The following FER variants were observed in gnomAD, a reference collection of about 807,000 sequenced individuals.
FER encodes the protein FER tyrosine kinase, also known as tyrosine-protein kinase Fer.
In FER, 63 loss-of-function variants were observed where a neutral mutation model predicts 111.0. The observed-to-expected ratio is 0.57, with a 90% CI of 0.46 to 0.70. The LOEUF is 0.70. Among genes scored for constraint, FER ranks in the 30% least tolerant of loss-of-function variants. The probability of loss-of-function intolerance (pLI) is 0.00; values close to 1 mark genes in which losing one functional copy is unlikely to be tolerated. For missense variants in FER, 914 were observed against 954.0 expected, an observed-to-expected ratio of 0.96 and a Z score of 0.55; for synonymous variants, 327 against 313.9, an observed-to-expected ratio of 1.04 and a Z score of -0.44.
At chr5:108,874,252 A>G (rs1323411647) in intron 8 of FER, among the ~76,000 whole-genome samples, 1 of 152,198 alleles carries the variant, frequency 6.6e-6, no homozygotes, top group Non-Finnish European at 1.5e-5. Flanking sequence ...TGACCAAAGA[A>G]GAATTTGTTT....
At chr5:109,075,510 G>A (rs964278498) in intron 16 of FER, among the ~76,000 whole-genome samples, 6 of 145,548 alleles carry the variant, frequency 4.1e-5, no homozygotes, top group East Asian at 2.1e-4. Context: ...TGCAAGCTCC[G>A]CCTCCCAGGT....
At chr5:108,883,092 T>A (rs1368045469) in intron 8 of FER, among the ~76,000 whole-genome samples, 2 of 152,022 alleles carry the variant, frequency 1.3e-5, no homozygotes, top group Non-Finnish European at 2.9e-5. Context: ...TCTCTTTTCT[T>A]TACCTACTTC....
At chr5:108,978,993 G>T (rs1165616278) in intron 13 of FER, among the ~76,000 whole-genome samples, 2 of 152,140 alleles carry the variant, frequency 1.3e-5, no homozygotes. Context: ...TAATGATTCA[G>T]TGATTTCTTG....
chr5:108,867,878 A>G lies in FER; in HGVS notation c.593A>G (p.Gln198Arg). The G allele has an allele frequency of 1.2e-6, 2 of 1,613,152 alleles. No individual in the cohort carries two copies. Among genetic ancestry groups the G allele is most frequent in the Non-Finnish European group, 1.7e-6 (2 of 1,179,298 alleles). The change falls in exon 6 of 20, where the codon CAG becomes CGG. Residue 198 changes from glutamine to arginine, a missense_variant. Around this residue, in one of 3 missense-constraint regions of FER, gnomAD observed 774 missense variants for 782.6 expected, o/e 0.99. Coordinates refer to ENST00000281092, the MANE Select transcript of FER (RefSeq NM_005246.4). ...ALKGAQLHQN[Q>R]YYDITLPLLL... ...AAAGGGGCACAGCTCCATCAGAATC[A>G]GTATTATGATATCACACTTCCCCTG...
At chr5:108,840,973 C>G (rs763883549) in intron 5 of FER, among the ~76,000 whole-genome samples, 1 of 152,110 alleles carries the variant, frequency 6.6e-6, no homozygotes, top group East Asian at 1.9e-4. Context: ...AGCAATATTA[C>G]GTTAACAGCC....
rs974645838 is a variant in FER at position 109,075,525 on chromosome 5, A to G, written c.1925-24871A>G. ...TGCAAGCTCCGCCTCCCAGGTTCACACCATTCTCCTGCCTCAGCCTCCTGA... is the reference window on the plus strand; with the variant it reads ...TGCAAGCTCCGCCTCCCAGGTTCACGCCATTCTCCTGCCTCAGCCTCCTGA... On this transcript the variant is annotated intron_variant, in intron 16 of 19. Coordinates refer to ENST00000281092, the MANE Select transcript of FER (RefSeq NM_005246.4). 3.3e-5 allele frequency among the ~76,000 whole-genome samples: 5 copies of G among 149,560 alleles called. No individual in the cohort carries two copies. In the East Asian group the frequency reaches 8.0e-4, roughly 24 times the overall value.
chr5:109,097,996 A>C (rs2150059796), intron 16 of FER, among the ~76,000 whole-genome samples: 1 of 151,974 alleles, frequency 6.6e-6, no homozygotes, highest in South Asian at 2.1e-4. Context: ...ATAAATTTAA[A>C]ATTTACTTTC....
At chr5:108,843,131 G>A (rs984108339) in intron 5 of FER, 1 of 152,164 alleles carries the variant, frequency 6.6e-6, no homozygotes, top group African/African-American at 2.4e-5. Context: ...TGCATCCTCA[G>A]AGCTTAGCTC....
chr5:108,872,067 C>T, intron 7 of FER, 26 bp from the exon 8 acceptor site: 1 of 1,603,014 alleles, frequency 6.2e-7, no homozygotes, highest in Non-Finnish European at 8.5e-7. Flanking sequence ...TTACAATGAT[C>T]AAAATTATTT....
At chr5:108,929,858 C>A (rs151250984) in intron 10 of FER, among the ~76,000 whole-genome samples, 1 of 152,112 alleles carries the variant, frequency 6.6e-6, no homozygotes, top group African/African-American at 2.4e-5. Flanking sequence ...AAAGTCAAAC[C>A]ATGTACATTT....
At chr5:108,819,891 G>A (rs1358666326) in intron 3 of FER, 1 of 985,168 alleles carries the variant, frequency 1.0e-6, no homozygotes, top group Non-Finnish European at 1.2e-6. Flanking sequence ...GATAGATAAG[G>A]CAGTAGATGA....
At chr5:108,774,914 A>T (rs1203818489) in intron 2 of FER, among the ~76,000 whole-genome samples, 3 of 152,096 alleles carry the variant, frequency 2.0e-5, no homozygotes, top group African/African-American at 7.2e-5. Flanking sequence ...CCATGTGTCA[A>T]TTTTGGCTTT....
intron 2 of FER, among the ~76,000 whole-genome samples, chr5:108,793,469 A>C (rs1314193956): frequency 7.0e-6 from 1 of 142,196 alleles, no homozygotes; most frequent in Non-Finnish European, 1.5e-5. Flanking sequence ...AAAACATAGG[A>C]GTGCAGATAT....
At chr5:108,826,113 T>C (rs1311106152) in intron 3 of FER, among the ~76,000 whole-genome samples, 2 of 152,196 alleles carry the variant, frequency 1.3e-5, no homozygotes, top group Admixed American at 6.5e-5. Flanking sequence ...CTATACTTGA[T>C]TCCTTGAGAA....
Position 109,187,503 on chromosome 5 carries a change from TAAAC to T in FER, c.2398_2401del (p.Lys800LeufsTer69). 6.2e-7 allele frequency: 1 copy of T among 1,614,102 alleles called. No homozygotes were observed. Among genetic ancestry groups the T allele is most frequent in the Non-Finnish European group, 8.5e-7 (1 of 1,179,992 alleles). On this transcript the variant is annotated frameshift_variant, in exon 20 of 20. Coordinates refer to ENST00000281092, the MANE Select transcript of FER (RefSeq NM_005246.4). LOFTEE classifies it high-confidence loss of function. ...AAATCATGATGAAGTGTTGGGATTA[TAAAC>T]CTGAAAATCGCCCTAAGTTCAGTGA...
intron 13 of FER, among the ~76,000 whole-genome samples, chr5:109,019,042 A>T (rs1366955138): frequency 6.6e-6 from 1 of 151,420 alleles, no homozygotes; most frequent in East Asian, 1.9e-4. Flanking sequence ...AATTCAAAAG[A>T]TACAAGCAGA....
chr5:108,820,905 C>A (rs556138981), intron 3 of FER, among the ~76,000 whole-genome samples: 1 of 152,234 alleles, frequency 6.6e-6, no homozygotes, highest in African/African-American at 2.4e-5. Flanking sequence ...GTGGGCGAAT[C>A]ACTTGGGACC....
chr5:109,054,493 C>T (rs1261104591), intron 16 of FER, among the ~76,000 whole-genome samples: 1 of 152,148 alleles, frequency 6.6e-6, no homozygotes, highest in Non-Finnish European at 1.5e-5. Flanking sequence ...GTAATTAAGT[C>T]TTGGTTCTTT....
At chr5:108,966,506 GC>G (rs2078634589) in intron 13 of FER, among the ~76,000 whole-genome samples, 1 of 150,596 alleles carries the variant, frequency 6.6e-6, no homozygotes, top group Admixed American at 6.7e-5. Flanking sequence ...TCCTGCCTCA[GC>G]CTCCTGAGTA....
Sources: gnomAD v4.1 joint callset for allele counts (sites outside exome capture counted in the v4.1 genomes callset) on GRCh38, gnomAD v4.1.1 for gene constraint, gnomAD v4.1.1 regional missense constraint, MANE v1.5 for transcripts, NCBI Gene and HGNC (gene_info 2026-07-23, HGNC 2026-07-21) for gene names.